Variants in NTNG1 observed in about 807,000 individuals in gnomAD.
NTNG1 encodes netrin G1.
A neutral mutation model predicts 54.0 loss-of-function variants in NTNG1; 16 were observed. The observed-to-expected ratio is 0.30, with a 90% CI of 0.20 to 0.45. The LOEUF (loss-of-function observed/expected upper bound fraction) is 0.45, where lower values mean the gene tolerates loss of function less well. NTNG1 is among the 20% of genes least tolerant of loss of function. The pLI, the probability that NTNG1 is intolerant of heterozygous loss-of-function variation, is 1.00. For synonymous variants in NTNG1, 255 were observed against 263.1 expected, an observed-to-expected ratio of 0.97 and a Z score of 0.30; for missense variants, 530 against 678.7, an observed-to-expected ratio of 0.78 and a Z score of 2.43.
intron 5 of NTNG1, chr1:107,409,102 A>T (rs1673634852): frequency 6.6e-6 from 1 of 152,206 alleles, no homozygotes; most frequent in African/African-American, 2.4e-5. Context: ...TCTTGTTGAA[A>T]CAGCATCAGT....
rs1011389806 is a variant in NTNG1, at chr1:107,484,219, A to T, written c.*3379A>T. ...CTGTGGAATTTACACACAAGCAAGGAGAAGCCACTTGCCATGAAAACAAGA... is the reference window on the plus strand; with the variant it reads ...CTGTGGAATTTACACACAAGCAAGGTGAAGCCACTTGCCATGAAAACAAGA... On this transcript the variant is annotated 3_prime_UTR_variant, in exon 8 of 8. Transcript: ENST00000370068. Among the ~76,000 whole-genome samples, 3 of 152,192 alleles carry T rather than the reference A, an allele frequency of 2.0e-5. No homozygotes were observed. Among genetic ancestry groups the T allele is most frequent in the African/African-American group, 7.2e-5 (3 of 41,432 alleles).
intron 4 of NTNG1, among the ~76,000 whole-genome samples, chr1:107,398,783 T>C (rs2087162274): frequency 6.6e-6 from 1 of 152,186 alleles, no homozygotes; most frequent in Non-Finnish European, 1.5e-5. Flanking sequence ...ATCTTCATTC[T>C]TTTTTGATAG....
At chr1:107,336,329 T>C (rs1458457183) in intron 3 of NTNG1, among the ~76,000 whole-genome samples, 9 of 151,776 alleles carry the variant, frequency 5.9e-5, no homozygotes, top group Admixed American at 5.9e-4. Flanking sequence ...CAAATAATTT[T>C]CAACAACGTT....
intron 3 of NTNG1, among the ~76,000 whole-genome samples, chr1:107,327,711 C>G (rs2101888480): frequency 6.6e-6 from 1 of 152,108 alleles, no homozygotes; most frequent in South Asian, 2.1e-4. Context: ...TATCCCCACC[C>G]CACCATAATG....
chr1:107,175,752 G>A (rs1478014716), intron 2 of NTNG1, among the ~76,000 whole-genome samples: 1 of 152,124 alleles, frequency 6.6e-6, no homozygotes, highest in Non-Finnish European at 1.5e-5. Flanking sequence ...TTTCTTGAAT[G>A]AGATAATTTA....
intron 7 of NTNG1, among the ~76,000 whole-genome samples, chr1:107,458,256 T>C (rs990312515): frequency 3.3e-5 from 5 of 152,088 alleles, no homozygotes; most frequent in Admixed American, 6.6e-5. Flanking sequence ...GAACTGCCAA[T>C]CCGGGGGAAG....
At chr1:107,306,057 G>A (rs1666678450) in intron 2 of NTNG1, among the ~76,000 whole-genome samples, 1 of 152,136 alleles carries the variant, frequency 6.6e-6, no homozygotes, top group Non-Finnish European at 1.5e-5. Flanking sequence ...GTGAGAAGTA[G>A]AAAGCACCAC....
intron 4 of NTNG1, among the ~76,000 whole-genome samples, chr1:107,403,189 A>G (rs181977370): frequency 1.1e-4 from 17 of 152,282 alleles, no homozygotes; most frequent in Admixed American, 3.3e-4. Flanking sequence ...TAATTGCAGC[A>G]GAATATCTTT....
Position 107,482,880 on chromosome 1 carries a change from C to G in NTNG1, c.*2040C>G, listed in dbSNP as rs1678813666. On this transcript the variant is annotated 3_prime_UTR_variant, in exon 8 of 8. Coordinates refer to ENST00000370068, the MANE Select transcript of NTNG1 (RefSeq NM_001113226.3). The stretch of plus-strand genomic sequence containing the variant: ...CAGGTAATGCCTGTGCTGCCTGCCA[C>G]CCCACGTCTAAGTCTATTGAATGTT... The G allele has an allele frequency of 6.6e-6, 1 of 152,188 alleles. No homozygotes were observed. The highest frequency in any genetic ancestry group is 1.9e-4 in the East Asian group (1 of 5,202). The allele number at this position is 152,188 out of a possible 1,614,324, so 9.4% of individuals were successfully genotyped here. A position where few individuals can be genotyped will look rare whatever the true frequency, so the allele number is the denominator to read the frequency against.
chr1:107,264,183 A>T (rs1261908001), intron 2 of NTNG1, among the ~76,000 whole-genome samples: 1 of 152,032 alleles, frequency 6.6e-6, no homozygotes, highest in African/African-American at 2.4e-5. Context: ...TCTATTTTTC[A>T]GAATTCTTAG....
At chr1:107,290,041 G>T (rs139575659) in intron 2 of NTNG1, among the ~76,000 whole-genome samples, 1 of 152,202 alleles carries the variant, frequency 6.6e-6, no homozygotes, top group Admixed American at 6.5e-5. Context: ...ATTTCAACAA[G>T]TATTATTTCT....
chr1:107,207,605 A>G (rs1659290389), intron 2 of NTNG1, among the ~76,000 whole-genome samples: 1 of 152,192 alleles, frequency 6.6e-6, no homozygotes. Flanking sequence ...TTTAGTACCT[A>G]AGGTATAAAG....
rs1654323233 is a variant in NTNG1, at chr1:107,148,658, C to T, written c.65C>T (p.Pro22Leu). Residue 22 changes from proline (P) to leucine (L), a missense_variant, in exon 2 of 8, where the codon CCC (proline) becomes CTC (leucine). Pro to Leu is a moderately conservative substitution (Grantham distance 98, BLOSUM62 -3). Around this residue, in one of 2 missense-constraint regions of NTNG1, gnomAD observed 318 missense variants for 465.1 expected, o/e 0.68. Coordinates refer to ENST00000370068, the MANE Select transcript of NTNG1 (RefSeq NM_001113226.3). ...GTTACGGTGTCCTCAGTGATGCAGCCCTACCCTTTGGTTTGGGGACATTAT... is the reference window on the plus strand; with the variant it reads ...GTTACGGTGTCCTCAGTGATGCAGCTCTACCCTTTGGTTTGGGGACATTAT... ...LWVTVSSVMQ[P>L]YPLVWGHYDL... is the part of the protein sequence containing the mutation. 6.2e-7 allele frequency: 1 copy of T among 1,613,206 alleles called. No homozygotes were observed.
At position 107,420,092 on chromosome 1, in the gene NTNG1, C is replaced by G. The variant is rs1285189385; in HGVS notation, c.1088-10658C>G. The stretch of plus-strand genomic sequence containing the variant: ...TTCATAGTTCACAAATTATACAACA[C>G]AGGCTCTAAGACAACACTTCTCCAC... On this transcript the variant is annotated intron_variant, in intron 5 of 7. Transcript: ENST00000370068. 2.0e-5 allele frequency among the ~76,000 whole-genome samples: 3 copies of G among 152,038 alleles called. No homozygotes were observed. The East Asian group carries it at 5.8e-4, about 29-fold the overall frequency.
intron 2 of NTNG1, among the ~76,000 whole-genome samples, chr1:107,296,269 A>G (rs1665936429): frequency 6.6e-6 from 1 of 152,146 alleles, no homozygotes; most frequent in Non-Finnish European, 1.5e-5. Context: ...ATTTACACAG[A>G]TACACAAACC....
chr1:107,183,493 T>A lies in NTNG1; in HGVS notation c.246+34654T>A, dbSNP rs552696830. ...ATCAAGTAATAAAGTTGTATTTCTC[T>A]TATTTAATGAGGGCCAAATGGTCCC... On this transcript the variant is annotated intron_variant, in intron 2 of 7. Coordinates refer to ENST00000370068, the MANE Select transcript of NTNG1 (RefSeq NM_001113226.3). Among the ~76,000 whole-genome samples, 3 of 152,306 alleles carry A rather than the reference T, an allele frequency of 2.0e-5. No homozygotes were observed. In the East Asian group the frequency reaches 5.8e-4, roughly 29 times the overall value.
intron 2 of NTNG1, among the ~76,000 whole-genome samples, chr1:107,268,092 A>G (rs942010594): frequency 6.6e-6 from 1 of 152,198 alleles, no homozygotes; most frequent in Non-Finnish European, 1.5e-5. Flanking sequence ...CTTTTATAAC[A>G]TCATTTCTGC....
intron 3 of NTNG1, among the ~76,000 whole-genome samples, chr1:107,367,065 C>CGT (rs57282130): frequency 0.31 from 46,218 of 148,310 alleles, 7,000 homozygotes; most frequent in South Asian, 0.37. Flanking sequence ...TTTATCTGTT[C>CGT]GTGTGTGTGT....
At chr1:107,355,671 A>C (rs911408380) in intron 3 of NTNG1, among the ~76,000 whole-genome samples, 1 of 152,172 alleles carries the variant, frequency 6.6e-6, no homozygotes, top group Non-Finnish European at 1.5e-5. Flanking sequence ...GGATGTCTCT[A>C]TGAAATGTGC....
Sources: gnomAD v4.1 joint callset for allele counts (sites outside exome capture counted in the v4.1 genomes callset) on GRCh38, gnomAD v4.1.1 for gene constraint, gnomAD v4.1.1 regional missense constraint, MANE v1.5 for transcripts, NCBI Gene and HGNC (gene_info 2026-07-23, HGNC 2026-07-21) for gene names.